Variants in JAKMIP1 observed in about 807,000 individuals in gnomAD.
The protein encoded by JAKMIP1 is janus kinase and microtubule-interacting protein 1.
In JAKMIP1, 33 loss-of-function variants were observed where a neutral mutation model predicts 113.0. The observed-to-expected ratio is 0.29, with a 90% CI of 0.22 to 0.39. The LOEUF (loss-of-function observed/expected upper bound fraction) is 0.39, where lower values mean the gene tolerates loss of function less well. JAKMIP1 is among the 10% of genes least tolerant of loss of function. The pLI is 1.00. For synonymous variants in JAKMIP1, 480 were observed against 459.9 expected (o/e 1.04, Z -0.56); for missense variants, 813 against 1,080.5 (o/e 0.75, Z 3.47).
intron 1 of JAKMIP1, among the ~76,000 whole-genome samples, chr4:6,122,582 A>G (rs1296006935): frequency 6.6e-6 from 1 of 152,222 alleles, no homozygotes; most frequent in Non-Finnish European, 1.5e-5. Flanking sequence ...ACATAATGTG[A>G]TATAAATAGA....
intron 1 of JAKMIP1, among the ~76,000 whole-genome samples, chr4:6,195,604 G>T (rs1296346698): frequency 6.6e-6 from 1 of 152,108 alleles, no homozygotes; most frequent in Non-Finnish European, 1.5e-5. Flanking sequence ...CCCCACAAAA[G>T]AACATGGGCT....
Position 6,084,882 on chromosome 4 carries a change from G to A in JAKMIP1, c.918C>T (p.Asp306=), listed in dbSNP as rs1160990681. 6 of 1,562,018 alleles carry A rather than the reference G, an allele frequency of 3.8e-6. No homozygotes were observed. Among genetic ancestry groups the A allele is most frequent in the African/African-American group, 1.5e-5 (1 of 68,222 alleles). The part of the protein sequence containing the change: ...ELNSVIRKLE[D]RNTLLADERN... ...TCTCATCTGCCAACAGCGTATTTCT[G>A]TCTTCCAGCTTCCGTATCACTGAAT... Residue 306 remains aspartate, a synonymous_variant, in exon 5 of 21, where the codon GAC becomes GAT. Transcript: ENST00000409021.
chr4:6,124,322 C>T (rs565244099), intron 1 of JAKMIP1, among the ~76,000 whole-genome samples: 9 of 152,190 alleles, frequency 5.9e-5, no homozygotes, highest in Non-Finnish European at 1.2e-4. Context: ...ATAGAAATGA[C>T]GGCAGAGCTG....
At position 6,108,899 on chromosome 4, in the gene JAKMIP1, T is replaced by C. The variant is rs1467488942; in HGVS notation, c.130-2932A>G. Among the ~76,000 whole-genome samples the C allele has an allele frequency of 6.6e-6, 1 of 152,218 alleles. No individual in the cohort carries two copies. Among genetic ancestry groups the C allele is most frequent in the Non-Finnish European group, 1.5e-5 (1 of 68,046 alleles). ...TGGATATAGATGTCATATATGGAAA[T>C]ATTTACAGGTATGCGTACATACGCA... is the stretch of plus-strand genomic sequence containing the variant. On this transcript the variant is annotated intron_variant, in intron 2 of 20. Coordinates refer to ENST00000409021, the MANE Select transcript of JAKMIP1 (RefSeq NM_001099433.2). This position sits in a 1 kb window ranked among gnomAD's most constrained non-coding sequence, Gnocchi z 5.6.
In JAKMIP1 at chr4:6,093,160, C is replaced by T. The variant is rs1230548527; in HGVS notation, c.625-7531G>A. Among the ~76,000 whole-genome samples, 2 of 152,190 alleles carry T rather than the reference C, an allele frequency of 1.3e-5. No individual in the cohort carries two copies. The highest frequency in any genetic ancestry group is 2.9e-5 in the Non-Finnish European group (2 of 68,032). The stretch of plus-strand genomic sequence containing the variant: ...CCTTCAAAACCCAGCTCACACCTCA[C>T]TTCCTCTGTGAAATGACTCCTGCAT... On this transcript the variant is annotated intron_variant, in intron 3 of 20. Coordinates refer to ENST00000409021, the MANE Select transcript of JAKMIP1 (RefSeq NM_001099433.2). The surrounding 1 kb of genome is among the most constrained non-coding windows in gnomAD (Gnocchi z 4.6).
Position 6,085,594 on chromosome 4 carries a change from C to T in JAKMIP1, c.660G>A (p.Leu220=), listed in dbSNP as rs1721174798. Residue 220 remains leucine, a synonymous_variant, in exon 4 of 21, where the codon CTG becomes CTA. Transcript: ENST00000409021. ...DEIKGKDRVI[L]ALEKELGVQA... is the part of the protein sequence containing the mutation. ...GCACGCCAAGTTCCTTCTCCAAGGCCAGAATCACACGGTCTTTCCCTTTGA... is the reference window on the plus strand; with the variant it reads ...GCACGCCAAGTTCCTTCTCCAAGGCTAGAATCACACGGTCTTTCCCTTTGA... 1 of 1,614,172 alleles carries T rather than the reference C, an allele frequency of 6.2e-7. No individual in the cohort carries two copies. The highest frequency in any genetic ancestry group is 1.1e-5 in the South Asian group (1 of 91,084).
At chr4:6,062,200 C>G (rs893099573) in intron 10 of JAKMIP1, 112 bp downstream of exon 10, 109 of 1,176,382 alleles carry the variant, frequency 9.3e-5, no homozygotes, top group Non-Finnish European at 3.5e-5. Flanking sequence ...TCCCCACCAC[C>G]TCTCAGAATC....
rs986895427 is a variant in JAKMIP1 at position 6,137,901 on chromosome 4, T to C, written c.-147-24904A>G. ...GGCCTTCTCCTTCCTGGCATGGGCC[T>C]GGCAGACAAGGTGTGCTCTGGCGTT... On this transcript the variant is annotated intron_variant, in intron 1 of 20. Coordinates refer to ENST00000409021, the MANE Select transcript of JAKMIP1 (RefSeq NM_001099433.2). The surrounding 1 kb of genome is among the most constrained non-coding windows in gnomAD (Gnocchi z 4.5). 6.6e-6 allele frequency among the ~76,000 whole-genome samples: 1 copy of C among 152,200 alleles called. No homozygotes were observed. The highest frequency in any genetic ancestry group is 1.5e-5 in the Non-Finnish European group (1 of 68,044).
chr4:6,096,143 C>A (rs1415426112), intron 3 of JAKMIP1, among the ~76,000 whole-genome samples: 1 of 152,198 alleles, frequency 6.6e-6, no homozygotes, highest in Non-Finnish European at 1.5e-5. Context: ...GGGCTGAGAA[C>A]AACCTGCCAA....
rs1222801188 is a variant in JAKMIP1 at position 6,066,624 on chromosome 4, C to T, written c.1303-1616G>A. Among the ~76,000 whole-genome samples, 7 of 152,222 alleles carry T rather than the reference C, an allele frequency of 4.6e-5. No individual in the cohort carries two copies. The East Asian group carries it at 5.8e-4, about 13-fold the overall frequency. On this transcript the variant is annotated intron_variant, in intron 8 of 20. Transcript: ENST00000409021. ...GCAGCTCATGCTTCAGTTGCCCAGG[C>T]CCCAATCCCAGGAGTCCTCCCCTGT...
intron 1 of JAKMIP1, among the ~76,000 whole-genome samples, chr4:6,125,095 G>T (rs1168026668): frequency 1.3e-5 from 2 of 152,200 alleles, no homozygotes; most frequent in African/African-American, 4.8e-5. Context: ...TAGGAGGACA[G>T]CACCCAGCCC....
Position 6,140,351 on chromosome 4 carries a change from A to C in JAKMIP1, c.-147-27354T>G, listed in dbSNP as rs1050080115. 6.6e-6 allele frequency among the ~76,000 whole-genome samples: 1 copy of C among 151,172 alleles called. No individual in the cohort carries two copies. Among genetic ancestry groups the C allele is most frequent in the Non-Finnish European group, 1.5e-5 (1 of 67,924 alleles). ...ATGCACACCTGATGATGGGCCGACCATAAATCCCCCCACGTGGCGAGGCTG... is the reference window on the plus strand; with the variant it reads ...ATGCACACCTGATGATGGGCCGACCCTAAATCCCCCCACGTGGCGAGGCTG... On this transcript the variant is annotated intron_variant, in intron 1 of 20. Coordinates refer to ENST00000409021, the MANE Select transcript of JAKMIP1 (RefSeq NM_001099433.2). This position sits in a 1 kb window ranked among gnomAD's most constrained non-coding sequence, Gnocchi z 9.4.
intron 12 of JAKMIP1, among the ~76,000 whole-genome samples, chr4:6,055,902 CTG>C (rs1716349771): frequency 8.2e-6 from 1 of 122,326 alleles, no homozygotes; most frequent in Non-Finnish European, 1.7e-5. Flanking sequence ...GAGGACAGGG[CTG>C]CCCTCCCCAT....
chr4:6,191,400 G>A (rs2109059947), intron 1 of JAKMIP1, among the ~76,000 whole-genome samples: 1 of 152,306 alleles, frequency 6.6e-6, no homozygotes, highest in African/African-American at 2.4e-5. Context: ...TATTTCACCT[G>A]TGGAGGCTAT....
At position 6,187,856 on chromosome 4, in the gene JAKMIP1, T is replaced by C. The variant is rs1326809952; in HGVS notation, c.-148+12397A>G. Among the ~76,000 whole-genome samples, 1 of 152,260 alleles carries C rather than the reference T, an allele frequency of 6.6e-6. No individual in the cohort carries two copies. Among genetic ancestry groups the C allele is most frequent in the East Asian group, 1.9e-4 (1 of 5,196 alleles). On this transcript the variant is annotated intron_variant, in intron 1 of 20. Coordinates refer to ENST00000409021, the MANE Select transcript of JAKMIP1 (RefSeq NM_001099433.2). This position sits in a 1 kb window ranked among gnomAD's most constrained non-coding sequence, Gnocchi z 4.2. ...TTCATCTTTAATAGTATTGATATAG[T>C]TGGACTTATGTCTTCCATTTTATTT... is the stretch of plus-strand genomic sequence containing the variant.
At chr4:6,048,793 G>T in intron 16 of JAKMIP1, 64 bp downstream of exon 16, 2 of 1,407,848 alleles carry the variant, frequency 1.4e-6, no homozygotes, top group Non-Finnish European at 2.0e-6. Flanking sequence ...CCAATGTACA[G>T]TTTCTTGTAT....
chr4:6,093,216 T>C lies in JAKMIP1; in HGVS notation c.625-7587A>G, dbSNP rs577909617. Among the ~76,000 whole-genome samples the C allele has an allele frequency of 5.9e-5, 9 of 152,152 alleles. No homozygotes were observed. Among genetic ancestry groups the C allele is most frequent in the Non-Finnish European group, 7.4e-5 (5 of 68,016 alleles). ...CACAGAAGTGATCACATCCTCTTCT[T>C]TGTTGCTGCCTCTTTGGCTTGCATG... is the stretch of plus-strand genomic sequence containing the variant. On this transcript the variant is annotated intron_variant, in intron 3 of 20. Coordinates refer to ENST00000409021, the MANE Select transcript of JAKMIP1 (RefSeq NM_001099433.2). This position sits in a 1 kb window ranked among gnomAD's most constrained non-coding sequence, Gnocchi z 4.6.
chr4:6,032,551 A>G lies in JAKMIP1; in HGVS notation c.2380-2770T>C, dbSNP rs183076572. ...GACTCGTGTGAGTTTCATTCAACCA[A>G]TGTCCACTGAGCCCCTTCTGTGGGT... On this transcript the variant is annotated intron_variant, in intron 19 of 20. Coordinates refer to ENST00000409021, the MANE Select transcript of JAKMIP1 (RefSeq NM_001099433.2). 1.5e-4 allele frequency among the ~76,000 whole-genome samples: 23 copies of G among 152,250 alleles called. No homozygotes were observed. The East Asian group carries it at 4.2e-3, about 28-fold the overall frequency.
In JAKMIP1 at chr4:6,150,980, C is replaced by T. The variant is rs1292165065; in HGVS notation, c.-147-37983G>A. 6.6e-6 allele frequency among the ~76,000 whole-genome samples: 1 copy of T among 152,152 alleles called. No homozygotes were observed. Among genetic ancestry groups the T allele is most frequent in the Non-Finnish European group, 1.5e-5 (1 of 68,034 alleles). On this transcript the variant is annotated intron_variant, in intron 1 of 20. Coordinates refer to ENST00000409021, the MANE Select transcript of JAKMIP1 (RefSeq NM_001099433.2). The surrounding 1 kb of genome is among the most constrained non-coding windows in gnomAD (Gnocchi z 4.8). ...CCAAAAGCAAAACACCTGGTGAAGGCTGCTGGGGATGGCAGCTCTTTCTCC... is the reference window on the plus strand; with the variant it reads ...CCAAAAGCAAAACACCTGGTGAAGGTTGCTGGGGATGGCAGCTCTTTCTCC...
Sources: gnomAD v4.1 joint callset for allele counts (sites outside exome capture counted in the v4.1 genomes callset) on GRCh38, gnomAD v4.1.1 for gene constraint, Gnocchi (gnomAD v3.1) non-coding constraint, MANE v1.5 for transcripts, NCBI Gene and HGNC (gene_info 2026-07-23, HGNC 2026-07-21) for gene names.